The following NRG3 variants were observed in gnomAD, a reference collection of about 807,000 sequenced individuals.
NRG3 encodes neuregulin 3.
In NRG3, 31 loss-of-function variants were observed where a neutral mutation model predicts 66.9. The ratio of observed to expected loss-of-function variants is 0.46; its 90% CI spans 0.35 to 0.63. The LOEUF (loss-of-function observed/expected upper bound fraction) is 0.63, where lower values mean the gene tolerates loss of function less well. NRG3 is among the 20% of genes least tolerant of loss of function. NRG3 has a pLI of 0.00. For synonymous variants in NRG3, 393 were observed against 359.4 expected, an observed-to-expected ratio of 1.09 and a Z score of -1.06; for missense variants, 910 against 878.9, an observed-to-expected ratio of 1.04 and a Z score of -0.45.
intron 1 of NRG3, among the ~76,000 whole-genome samples, chr10:82,320,847 C>T (rs145949327): frequency 9.9e-5 from 15 of 152,274 alleles, no homozygotes; most frequent in African/African-American, 3.1e-4. Context: ...CAAGACCAAT[C>T]TGGCTTACCA....
At chr10:82,517,843 T>C (rs564703252) in intron 2 of NRG3, among the ~76,000 whole-genome samples, 1 of 152,090 alleles carries the variant, frequency 6.6e-6, no homozygotes, top group Non-Finnish European at 1.5e-5. Context: ...ATGTACAAAT[T>C]TAGCTCATAA....
intron 2 of NRG3, among the ~76,000 whole-genome samples, chr10:82,642,914 A>T (rs185779205): frequency 3.1e-4 from 47 of 152,068 alleles, no homozygotes; most frequent in African/African-American, 1.1e-3. Flanking sequence ...ATATATATTT[A>T]AAAGGATATT....
intron 1 of NRG3, among the ~76,000 whole-genome samples, chr10:82,016,086 G>A (rs1047704838): frequency 3.3e-5 from 5 of 151,488 alleles, no homozygotes; most frequent in Non-Finnish European, 7.4e-5. Context: ...GTTACTGTCA[G>A]CAGTGTTAAT....
At chr10:82,698,621 A>G (rs750519453) in intron 2 of NRG3, among the ~76,000 whole-genome samples, 2 of 152,130 alleles carry the variant, frequency 1.3e-5, no homozygotes, top group Non-Finnish European at 2.9e-5. Flanking sequence ...CTCAGATTCA[A>G]GTCTTAGCTC....
At chr10:82,114,958 T>G (rs901789695) in intron 1 of NRG3, among the ~76,000 whole-genome samples, 2 of 152,152 alleles carry the variant, frequency 1.3e-5, no homozygotes, top group Non-Finnish European at 2.9e-5. Flanking sequence ...GACGTGTCTG[T>G]CTTCTCAATC....
At chr10:82,920,842 T>C (rs900880618) in intron 4 of NRG3, among the ~76,000 whole-genome samples, 1 of 152,162 alleles carries the variant, frequency 6.6e-6, no homozygotes, top group Admixed American at 6.6e-5. Flanking sequence ...TAACCCAGTG[T>C]ATTAAATGGA....
chr10:82,048,376 G>T (rs1796518487), intron 1 of NRG3, among the ~76,000 whole-genome samples: 1 of 152,064 alleles, frequency 6.6e-6, no homozygotes, highest in Non-Finnish European at 1.5e-5. Flanking sequence ...AAACGTAAAA[G>T]AACAGAAATT....
intron 2 of NRG3, among the ~76,000 whole-genome samples, chr10:82,407,850 C>A (rs898628768): frequency 1.3e-5 from 2 of 151,984 alleles, no homozygotes; most frequent in Non-Finnish European, 2.9e-5. Context: ...GCAGGTGGAT[C>A]ATGAGGTCAG....
At chr10:82,955,437 T>C (rs1849950555) in intron 5 of NRG3, among the ~76,000 whole-genome samples, 1 of 151,986 alleles carries the variant, frequency 6.6e-6, no homozygotes, top group South Asian at 2.1e-4. Flanking sequence ...GCAATGACTG[T>C]AAATTATTCA....
chr10:82,063,131 C>T (rs1158402348), intron 1 of NRG3, among the ~76,000 whole-genome samples: 1 of 152,128 alleles, frequency 6.6e-6, no homozygotes, highest in Non-Finnish European at 1.5e-5. Flanking sequence ...CCCAGGAGTC[C>T]CCTCCACCTC....
intron 3 of NRG3, among the ~76,000 whole-genome samples, chr10:82,841,867 G>A (rs897958118): frequency 6.6e-6 from 1 of 152,114 alleles, no homozygotes; most frequent in Non-Finnish European, 1.5e-5. Context: ...CCCAACAAAA[G>A]TTTATTTCTT....
At chr10:82,544,445 T>C (rs2043755377) in intron 2 of NRG3, among the ~76,000 whole-genome samples, 1 of 152,200 alleles carries the variant, frequency 6.6e-6, no homozygotes, top group African/African-American at 2.4e-5. Flanking sequence ...CCTACAACTA[T>C]GTAACATCCT....
At chr10:82,790,469 G>A (rs542263684) in intron 3 of NRG3, among the ~76,000 whole-genome samples, 13 of 152,044 alleles carry the variant, frequency 8.6e-5, no homozygotes, top group Admixed American at 7.9e-4. Context: ...AATCATATGC[G>A]ATGACTCCTT....
At chr10:82,581,886 CA>C (rs1395060091) in intron 2 of NRG3, among the ~76,000 whole-genome samples, 1 of 151,756 alleles carries the variant, frequency 6.6e-6, no homozygotes, top group East Asian at 1.9e-4. Flanking sequence ...TATTTTGACC[CA>C]ATTTTTGTGA....
intron 3 of NRG3, among the ~76,000 whole-genome samples, chr10:82,781,146 C>T (rs895740771): frequency 6.6e-6 from 1 of 152,134 alleles, no homozygotes; most frequent in Non-Finnish European, 1.5e-5. Flanking sequence ...AATCCTTAAC[C>T]AGTCTACCTT....
At chr10:82,219,642 T>C (rs942639693) in intron 1 of NRG3, among the ~76,000 whole-genome samples, 2 of 152,158 alleles carry the variant, frequency 1.3e-5, no homozygotes, top group Admixed American at 1.3e-4. Flanking sequence ...CTTGTCTTAA[T>C]ATTAGTTAAT....
chr10:82,134,678 G>A (rs1373951689), intron 1 of NRG3, among the ~76,000 whole-genome samples: 1 of 152,062 alleles, frequency 6.6e-6, no homozygotes, highest in Non-Finnish European at 1.5e-5. Flanking sequence ...AGTATAGTTT[G>A]AAGGTGGGCA....
chr10:82,890,160 G>T lies in NRG3; in HGVS notation c.1054+24723G>T, dbSNP rs115674520. 6.7e-3 allele frequency among the ~76,000 whole-genome samples: 995 copies of T among 148,404 alleles called. 17 individuals are homozygous for T. Among genetic ancestry groups the T allele is most frequent in the African/African-American group, 0.023 (914 of 40,250 alleles). On this transcript the variant is annotated intron_variant, in intron 4 of 8. Coordinates refer to ENST00000372141, the MANE Select transcript of NRG3 (RefSeq NM_001010848.4). The stretch of plus-strand genomic sequence containing the variant: ...TTTTTTTTTTTAAGTAATGTAAGTG[G>T]CTTTATCTTCAGGAAAAAAAATAAG...
At chr10:82,216,247 C>T (rs2075669409) in intron 1 of NRG3, among the ~76,000 whole-genome samples, 3 of 151,824 alleles carry the variant, frequency 2.0e-5, no homozygotes, top group Admixed American at 2.0e-4. Flanking sequence ...TCCCAAAGTG[C>T]TGGGATTACA....
Sources: gnomAD v4.1 joint callset for allele counts (sites outside exome capture counted in the v4.1 genomes callset) on GRCh38, gnomAD v4.1.1 for gene constraint, MANE v1.5 for transcripts, NCBI Gene and HGNC (gene_info 2026-07-23, HGNC 2026-07-21) for gene names.